PYROXD2: variants seen among roughly 807,000 people sequenced by gnomAD.
PYROXD2 encodes pyridine nucleotide-disulfide oxidoreductase domain-containing protein 2.
A neutral mutation model predicts 71.1 loss-of-function variants in PYROXD2; 69 were observed. That is an observed-to-expected ratio of 0.97 (90% confidence interval 0.80 to 1.19). The LOEUF (loss-of-function observed/expected upper bound fraction) is 1.19, where lower values mean the gene tolerates loss of function less well. PYROXD2 is among the 50% of genes most tolerant of loss of function. PYROXD2 has a pLI of 0.00. For missense variants in PYROXD2, 745 were observed against 748.9 expected (o/e 0.99, Z 0.06); for synonymous variants, 287 against 302.7 (o/e 0.95, Z 0.54).
rs201923830 is a variant in PYROXD2, at chr10:98,400,214, G to A, written c.359C>T (p.Thr120Ile). 11 of 1,612,884 alleles carry A rather than the reference G, an allele frequency of 6.8e-6. No individual in the cohort carries two copies. The highest frequency in any genetic ancestry group is 5.0e-5 in the Admixed American group (3 of 59,824). Residue 120 changes from threonine to isoleucine, a missense_variant, in exon 5 of 16, where the codon ACC becomes ATC. By Grantham distance (89) the Thr-to-Ile change is moderately conservative (BLOSUM62 -1). Coordinates refer to ENST00000370575, the MANE Select transcript of PYROXD2 (RefSeq NM_032709.3). ...GCCTGCACCCTCTTCCAGCATGGGG[G>A]TGAAGGAGTAGGGGTTTCGAAGATG... Reference protein sequence around the residue: ...RLHLRNPYSFTPMLEEGAGSK... With the variant: ...RLHLRNPYSFIPMLEEGAGSK...
chr10:98,390,721 G>A lies in PYROXD2; in HGVS notation c.1169C>T (p.Ala390Val), dbSNP rs758326164. The A allele has an allele frequency of 1.9e-5, 30 of 1,607,782 alleles. No homozygotes were observed. In the South Asian group the frequency reaches 3.0e-4, roughly 16 times the overall value. ...CGGCTGGCCCCTGGGAGCATTGGGG[G>A]CCGCCAGGAAGCTGGGCAGCCTGTC... is the stretch of plus-strand genomic sequence containing the variant. ...AVDRLPSFLA[A>V]PNAPRGQPLP... Residue 390 changes from alanine to valine, a missense_variant, in exon 12 of 16, where the codon GCC (alanine) becomes GTC (valine). Ala to Val is a moderately conservative substitution (Grantham distance 64, BLOSUM62 0). Coordinates refer to ENST00000370575, the MANE Select transcript of PYROXD2 (RefSeq NM_032709.3).
In PYROXD2 at chr10:98,390,971, G is replaced by A. The variant is rs41290478; in HGVS notation, c.1135+39C>T. Reference sequence around the variant, plus strand: ...GCCTGGAGGTTTCTCACTCAGATGGGTCAAAGGAGACAGTGCTGCAATGTG... The same window carrying A: ...GCCTGGAGGTTTCTCACTCAGATGGATCAAAGGAGACAGTGCTGCAATGTG... On this transcript the variant is annotated intron_variant, in intron 11 of 15. Transcript: ENST00000370575. 7.9e-3 allele frequency: 12,209 copies of A among 1,538,666 alleles called. 159 individuals are homozygous for A. The highest frequency in any genetic ancestry group is 0.043 in the Admixed American group (2,591 of 59,930).
At chr10:98,397,613 C>G (rs975295533) in intron 5 of PYROXD2, 115 bp from the exon 6 acceptor site, 1 of 1,308,276 alleles carries the variant, frequency 7.6e-7, no homozygotes, top group African/African-American at 1.5e-5. Flanking sequence ...TCATTCCCCG[C>G]TGTGGCCCAG....
intron 8 of PYROXD2, 147 bp downstream of exon 8, chr10:98,395,049 C>T (rs571486539): frequency 2.2e-5 from 15 of 685,236 alleles, no homozygotes; most frequent in African/African-American, 1.4e-4. Flanking sequence ...TTAAGTGGAT[C>T]GTGTGTGATG....
rs1843351548 is a variant in PYROXD2 at position 98,400,341 on chromosome 10, C to A, written c.316-84G>T. 3.7e-6 allele frequency: 5 copies of A among 1,348,902 alleles called. No individual in the cohort carries two copies. The Admixed American group carries it at 6.5e-5, about 17-fold the overall frequency. The allele number at this position is 1,348,902 out of a possible 1,614,324, so 83.6% of individuals were successfully genotyped here. On this transcript the variant is annotated intron_variant, in intron 4 of 15. Coordinates refer to ENST00000370575, the MANE Select transcript of PYROXD2 (RefSeq NM_032709.3). ...TCTTTCTCCGATTGTGTTTGTGTGA[C>A]CATTTAGGTACCTGTGTGTAGGTTC...
rs181562744 is a variant in PYROXD2, at chr10:98,383,901, G to A, written c.1676-33C>T. Reference sequence around the variant, plus strand: ...GGAATCTCCTATGAACCAAAGCTCCGCTCAAAAACCTGCCAGGGTGGGGGT... The same window carrying A: ...GGAATCTCCTATGAACCAAAGCTCCACTCAAAAACCTGCCAGGGTGGGGGT... On this transcript the variant is annotated intron_variant, in intron 15 of 15. Transcript: ENST00000370575. 6.2e-4 allele frequency: 994 copies of A among 1,603,028 alleles called. 8 individuals are homozygous for A. In the African/African-American group the frequency reaches 0.011, roughly 17 times the overall value.
At chr10:98,390,252 C>G (rs1359285084) in intron 12 of PYROXD2, among the ~76,000 whole-genome samples, 1 of 152,200 alleles carries the variant, frequency 6.6e-6, no homozygotes, top group Non-Finnish European at 1.5e-5. Flanking sequence ...GCAGGGGACT[C>G]GGTGAGTGCG....
Position 98,397,444 on chromosome 10 carries a change from G to A in PYROXD2, c.526C>T (p.Leu176=). Residue 176 remains leucine, a synonymous_variant, in exon 6 of 16, where the codon CTG becomes TTG. Coordinates refer to ENST00000370575, the MANE Select transcript of PYROXD2 (RefSeq NM_032709.3). ...MHRLALAIDP[L]LDAAPVDMAA... is the part of the protein sequence containing the mutation. ...ATGTCCACGGGGGCCGCATCCAGCA[G>A]AGGGTCAATGGCTAATGCCAAGCGA... The A allele has an allele frequency of 6.2e-7, 1 of 1,613,518 alleles. No individual in the cohort carries two copies. Among genetic ancestry groups the A allele is most frequent in the Non-Finnish European group, 8.5e-7 (1 of 1,179,620 alleles).
chr10:98,395,255 G>A lies in PYROXD2; in HGVS notation c.726C>T (p.Ala242=), dbSNP rs1843124383. ...CAATCACTGCATCTGTGGCTAGAGT[G>A]GCTTTTAAAGGCTCAGACTCGAACC... The part of the protein sequence containing the change: ...DQWFESEPLK[A]TLATDAVIGA... The change falls in exon 8 of 16, where the codon GCC becomes GCT. Residue 242 remains alanine (A), a synonymous_variant. Coordinates refer to ENST00000370575, the MANE Select transcript of PYROXD2 (RefSeq NM_032709.3). 1.2e-6 allele frequency: 2 copies of A among 1,614,066 alleles called. No homozygotes were observed. Among genetic ancestry groups the A allele is most frequent in the South Asian group, 1.1e-5 (1 of 91,084 alleles).
intron 5 of PYROXD2, among the ~76,000 whole-genome samples, chr10:98,398,016 G>A (rs1156311941): frequency 2.6e-5 from 4 of 151,644 alleles, no homozygotes; most frequent in African/African-American, 9.7e-5. Flanking sequence ...CTGAGTAGCT[G>A]GGATTATAGG....
rs760000109 is a variant in PYROXD2 at position 98,388,546 on chromosome 10, A to G, written c.1293-38T>C. 1.3e-5 allele frequency: 20 copies of G among 1,516,336 alleles called. No individual in the cohort carries two copies. In the South Asian group the frequency reaches 2.5e-4, roughly 19 times the overall value. The allele number at this position is 1,516,336 out of a possible 1,614,324, so 93.9% of individuals were successfully genotyped here. A position where few individuals can be genotyped will look rare whatever the true frequency, so the allele number is the denominator to read the frequency against. ...GGAGGAGACGGCAGGTCTAAAGAGC[A>G]GCAGTGCGGAGGGTAGGGCATCCGA... On this transcript the variant is annotated intron_variant, in intron 12 of 15. Transcript: ENST00000370575.
At chr10:98,394,691 T>G (rs1042232368) in intron 8 of PYROXD2, among the ~76,000 whole-genome samples, 6 of 151,576 alleles carry the variant, frequency 4.0e-5, no homozygotes, top group African/African-American at 1.2e-4. Context: ...CCCTCACTCA[T>G]AAAGAAAAAG....
chr10:98,407,849 A>C (rs1843659849), intron 3 of PYROXD2, 55 bp downstream of exon 3: 1 of 1,540,522 alleles, frequency 6.5e-7, no homozygotes, highest in Non-Finnish European at 8.8e-7. Flanking sequence ...GCAGGGATGG[A>C]GACTGTCACC....
At chr10:98,405,295 C>G (rs1323362201) in intron 4 of PYROXD2, among the ~76,000 whole-genome samples, 1 of 151,988 alleles carries the variant, frequency 6.6e-6, no homozygotes, top group Non-Finnish European at 1.5e-5. Flanking sequence ...GGGACCACAG[C>G]GGGTCAGTGG....
rs1314311957 is a variant in PYROXD2, at chr10:98,384,570, T to C, written c.1675+377A>G. ...AGGTTGAGGCTGCAGTGAGCTGTGATCATACCACTGCACCTCCAGCCTAGG... is the reference window on the plus strand; with the variant it reads ...AGGTTGAGGCTGCAGTGAGCTGTGACCATACCACTGCACCTCCAGCCTAGG... On this transcript the variant is annotated intron_variant, in intron 15 of 15. Coordinates refer to ENST00000370575, the MANE Select transcript of PYROXD2 (RefSeq NM_032709.3). Among the ~76,000 whole-genome samples, 3 of 152,156 alleles carry C rather than the reference T, an allele frequency of 2.0e-5. No homozygotes were observed. In the East Asian group the frequency reaches 5.8e-4, roughly 29 times the overall value.
At chr10:98,394,543 A>ACACACACACACACACAC (rs1843081200) in intron 8 of PYROXD2, among the ~76,000 whole-genome samples, 1 of 141,816 alleles carries the variant, frequency 7.1e-6, no homozygotes, top group African/African-American at 2.6e-5. Flanking sequence ...TCTCCATCCC[A>ACACACACACACACACAC]ACACACACAC....
chr10:98,414,944 C>T, intron 1 of PYROXD2, 65 bp downstream of exon 1: 1 of 1,565,286 alleles, frequency 6.4e-7, no homozygotes, highest in Admixed American at 1.8e-5. Flanking sequence ...CCCCTCCCCA[C>T]CAAGCTCTGA....
chr10:98,413,247 A>C (rs1023373352), intron 1 of PYROXD2, among the ~76,000 whole-genome samples: 1 of 152,200 alleles, frequency 6.6e-6, no homozygotes, highest in Admixed American at 6.5e-5. Context: ...ATTACACAGA[A>C]GGGCTGAATT....
In PYROXD2 at chr10:98,387,201, C is replaced by A; in HGVS notation, c.1554G>T (p.Gly518=). 1.9e-6 allele frequency: 3 copies of A among 1,612,526 alleles called. No homozygotes were observed. Among genetic ancestry groups the A allele is most frequent in the Non-Finnish European group, 2.5e-6 (3 of 1,178,770 alleles). The change falls in exon 14 of 16, where the codon GGG becomes GGT. Residue 518 remains glycine, a splice_region_variant and synonymous_variant. Coordinates refer to ENST00000370575, the MANE Select transcript of PYROXD2 (RefSeq NM_032709.3). ...AGAGACCCCCTAGGCTTATACATAC[C>A]CCTCCAGGAAGCCCGAAGATTCTCT... The part of the protein sequence containing the change: ...DLERIFGLPG[G]NIFHCAMSLD...
Sources: gnomAD v4.1 joint callset for allele counts (sites outside exome capture counted in the v4.1 genomes callset) on GRCh38, gnomAD v4.1.1 for gene constraint, MANE v1.5 for transcripts, NCBI Gene and HGNC (gene_info 2026-07-23, HGNC 2026-07-21) for gene names.